The following ETV5 variants were observed in gnomAD, a reference collection of about 807,000 sequenced individuals.
The protein encoded by ETV5 is ETS translocation variant 5.
In ETV5, 10 loss-of-function variants were observed where a neutral mutation model predicts 70.0. The ratio of observed to expected loss-of-function variants is 0.14; its 90% CI spans 0.09 to 0.24. ETV5 has a LOEUF of 0.24. Ranked by LOEUF, ETV5 falls within the 10% of genes least tolerant of loss-of-function variation. The probability of loss-of-function intolerance (pLI) is 1.00; values close to 1 mark genes in which losing one functional copy is unlikely to be tolerated. For missense variants in ETV5, 453 were observed against 651.2 expected (o/e 0.70, Z 3.31); for synonymous variants, 216 against 242.2 (o/e 0.89, Z 1.01).
intron 9 of ETV5, among the ~76,000 whole-genome samples, chr3:186,059,030 AT>A (rs760188537): frequency 1.3e-4 from 19 of 150,040 alleles, no homozygotes; most frequent in South Asian, 8.4e-4. Context: ...AAAAAATAAA[AT>A]AAAAATAAAA....
At chr3:186,102,408 G>A (rs1163217422) in intron 5 of ETV5, among the ~76,000 whole-genome samples, 1 of 152,034 alleles carries the variant, frequency 6.6e-6, no homozygotes, top group East Asian at 1.9e-4. Flanking sequence ...TAAGGTGGGC[G>A]GATCACCTGA....
intron 5 of ETV5, among the ~76,000 whole-genome samples, chr3:186,100,980 T>C (rs1338182714): frequency 6.6e-6 from 1 of 152,214 alleles, no homozygotes; most frequent in Non-Finnish European, 1.5e-5. Flanking sequence ...AAGTACCCAG[T>C]CAGTTCAGAA....
Position 186,057,593 on chromosome 3 carries a change from C to G in ETV5, c.971-102G>C. The G allele has an allele frequency of 1.0e-6, 1 of 998,558 alleles. No homozygotes were observed. The highest frequency in any genetic ancestry group is 2.4e-4 in the Middle Eastern group (1 of 4,114). The allele number at this position is 998,558 out of a possible 1,614,324, so 61.9% of individuals were successfully genotyped here. A position where few individuals can be genotyped will look rare whatever the true frequency, so the allele number is the denominator to read the frequency against. On this transcript the variant is annotated intron_variant, in intron 9 of 12. Coordinates refer to ENST00000306376, the MANE Select transcript of ETV5 (RefSeq NM_004454.3). The surrounding 1 kb of genome is among the most constrained non-coding windows in gnomAD (Gnocchi z 4.9). ...AGAGTGCAATCCTATCATTTCAGAT[C>G]CTAAGTCCTACTGCTGTATCTATGG...
chr3:186,093,265 T>C (rs1354820265), intron 5 of ETV5, among the ~76,000 whole-genome samples: 1 of 152,002 alleles, frequency 6.6e-6, no homozygotes, highest in Non-Finnish European at 1.5e-5. Flanking sequence ...GAAGGGGGAA[T>C]GACTAGACAA....
chr3:186,064,042 T>C (rs1713374795), intron 9 of ETV5, among the ~76,000 whole-genome samples: 3 of 152,190 alleles, frequency 2.0e-5, no homozygotes, highest in South Asian at 4.1e-4. Context: ...GATAGTGTTA[T>C]ATAAACATAA....
chr3:186,048,610 A>C lies in ETV5; in HGVS notation c.*29T>G, dbSNP rs1224487731. The C allele has an allele frequency of 6.3e-7, 1 of 1,595,010 alleles. No individual in the cohort carries two copies. Among genetic ancestry groups the C allele is most frequent in the Non-Finnish European group, 8.6e-7 (1 of 1,162,934 alleles). ...TGCCTGAATGGGAACTGCTAGCTCT[A>C]GGGTTTGGCCACTCCGCCACTCAGA... On this transcript the variant is annotated 3_prime_UTR_variant, in exon 13 of 13. Coordinates refer to ENST00000306376, the MANE Select transcript of ETV5 (RefSeq NM_004454.3).
chr3:186,077,949 G>A, intron 7 of ETV5: 1 of 1,035,636 alleles, frequency 9.7e-7, no homozygotes, highest in South Asian at 4.7e-5. Context: ...AGTCCAAAAT[G>A]CACAGGCAGA....
chr3:186,106,453 T>C (rs1714590159), intron 1 of ETV5, among the ~76,000 whole-genome samples: 1 of 152,208 alleles, frequency 6.6e-6, no homozygotes, highest in Non-Finnish European at 1.5e-5. Flanking sequence ...AAACACTATA[T>C]ATAGTTCCTG....
At chr3:186,103,620 A>AACACACACACACACACACACACACACAC (rs10534124) in intron 5 of ETV5, among the ~76,000 whole-genome samples, 1 of 142,902 alleles carries the variant, frequency 7.0e-6, no homozygotes, top group Non-Finnish European at 1.5e-5. Context: ...TCATCTTGCA[A>AACACACACACACACACACACACACACAC]ACACACACAC....
intron 7 of ETV5, among the ~76,000 whole-genome samples, chr3:186,074,064 A>G (rs569092346): frequency 6.6e-6 from 1 of 152,306 alleles, no homozygotes; most frequent in South Asian, 2.1e-4. Context: ...AGAATAAGTA[A>G]GGCCAAAAGT....
In ETV5 at chr3:186,048,125, C is replaced by T. The variant is rs6774595; in HGVS notation, c.*514G>A. The T allele has an allele frequency of 5.3e-4, 125 of 235,158 alleles. 2 individuals carry two copies. The highest frequency in any genetic ancestry group is 5.1e-3 in the Middle Eastern group (4 of 786). The allele number at this position is 235,158 out of a possible 1,614,324, so 14.6% of individuals were successfully genotyped here. ...TAGACAAGGGGTAATATTTCAGATT[C>T]AGCTAGAAGAGCTTTCCAATGTTTA... On this transcript the variant is annotated 3_prime_UTR_variant, in exon 13 of 13. Coordinates refer to ENST00000306376, the MANE Select transcript of ETV5 (RefSeq NM_004454.3).
intron 5 of ETV5, among the ~76,000 whole-genome samples, chr3:186,094,645 T>TA (rs1714261100): frequency 1.3e-5 from 2 of 152,188 alleles, no homozygotes; most frequent in African/African-American, 4.8e-5. Context: ...CGTTAGAAAT[T>TA]AAAGGTCAGG....
chr3:186,068,806 G>A (rs903596401), intron 7 of ETV5, among the ~76,000 whole-genome samples: 2 of 152,240 alleles, frequency 1.3e-5, no homozygotes, highest in Non-Finnish European at 2.9e-5. Context: ...GAAGGCTGGA[G>A]ATGTGTGAAC....
intron 12 of ETV5, among the ~76,000 whole-genome samples, chr3:186,051,508 ACT>A (rs1713031056): frequency 6.6e-6 from 1 of 152,170 alleles, no homozygotes; most frequent in African/African-American, 2.4e-5. Flanking sequence ...CTACCAGGTG[ACT>A]CTGCTGCCAT....
intron 5 of ETV5, among the ~76,000 whole-genome samples, chr3:186,095,606 G>C (rs927168853): frequency 6.6e-6 from 1 of 152,204 alleles, no homozygotes; most frequent in East Asian, 1.9e-4. Context: ...CAGCAAGTAC[G>C]TCAAGGGTGC....
chr3:186,071,884 G>A (rs1254775407), intron 7 of ETV5, among the ~76,000 whole-genome samples: 5 of 151,578 alleles, frequency 3.3e-5, no homozygotes, highest in African/African-American at 1.2e-4. Flanking sequence ...CGCAACCTCC[G>A]CCTCTCGGGT....
chr3:186,054,866 C>G lies in ETV5; in HGVS notation c.1209+2209G>C, dbSNP rs1713119303. ...TGAGGCTAACGTGCACATGTGGCACCCAACTGATCCTGGGTGAAGAGAAAG... is the reference window on the plus strand; with the variant it reads ...TGAGGCTAACGTGCACATGTGGCACGCAACTGATCCTGGGTGAAGAGAAAG... On this transcript the variant is annotated intron_variant, in intron 11 of 12. Transcript: ENST00000306376. The surrounding 1 kb of genome is among the most constrained non-coding windows in gnomAD (Gnocchi z 4.4). Among the ~76,000 whole-genome samples, 2 of 152,140 alleles carry G rather than the reference C, an allele frequency of 1.3e-5. No individual in the cohort carries two copies. The highest frequency in any genetic ancestry group is 2.4e-5 in the African/African-American group (1 of 41,424).
At chr3:186,083,348 C>T (rs1372663421) in intron 5 of ETV5, among the ~76,000 whole-genome samples, 1 of 152,228 alleles carries the variant, frequency 6.6e-6, no homozygotes, top group Non-Finnish European at 1.5e-5. Flanking sequence ...GCAATCACCA[C>T]TTTACCTAAG....
chr3:186,078,502 T>G (rs958477745), intron 7 of ETV5, among the ~76,000 whole-genome samples: 2 of 152,040 alleles, frequency 1.3e-5, no homozygotes, highest in East Asian at 3.9e-4. Context: ...TCTGCAGAGG[T>G]GTTGTTTTTA....
Sources: gnomAD v4.1 joint callset for allele counts (sites outside exome capture counted in the v4.1 genomes callset) on GRCh38, gnomAD v4.1.1 for gene constraint, Gnocchi (gnomAD v3.1) non-coding constraint, MANE v1.5 for transcripts, NCBI Gene and HGNC (gene_info 2026-07-23, HGNC 2026-07-21) for gene names.